AASS: variants seen among roughly 807,000 people sequenced by gnomAD.
AASS encodes the protein alpha-aminoadipic semialdehyde synthase, mitochondrial.
AASS carries 86 observed loss-of-function variants against 105.4 expected under a neutral mutation model. The observed-to-expected ratio is 0.82, with a 90% CI of 0.69 to 0.98. The LOEUF is 0.98. Ranked by LOEUF, AASS falls within the 50% of genes least tolerant of loss-of-function variation. The pLI is 0.00. For missense variants in AASS, 1,048 were observed against 1,143.2 expected (o/e 0.92, Z 1.20); for synonymous variants, 381 against 394.8 (o/e 0.96, Z 0.41).
chr7:122,076,585 T>C lies in AASS; in HGVS notation c.2685A>G (p.Leu895=). 6.2e-7 allele frequency: 1 copy of C among 1,613,214 alleles called. No individual in the cohort carries two copies. Among genetic ancestry groups the C allele is most frequent in the Non-Finnish European group, 8.5e-7 (1 of 1,179,230 alleles). The change falls in exon 24 of 24, where the codon CTA becomes CTG. Residue 895 remains leucine, a synonymous_variant. Coordinates refer to ENST00000417368, the MANE Select transcript of AASS (RefSeq NM_005763.4). ...LLDGEIGAKG[L]MGPFSKEIYG... ...AGATCTCCTTTGAAAAGGGCCCCAT[T>C]AGGCCTTTGGCTCCAATTTCACCTG...
intron 1 of AASS, among the ~76,000 whole-genome samples, chr7:122,142,502 G>A (rs1167000711): frequency 6.6e-6 from 1 of 152,070 alleles, no homozygotes; most frequent in Non-Finnish European, 1.5e-5. Flanking sequence ...AGGCATGCAT[G>A]TTCAAGATAA....
chr7:122,106,503 C>A (rs1342653138), intron 11 of AASS, among the ~76,000 whole-genome samples: 1 of 151,822 alleles, frequency 6.6e-6, no homozygotes, highest in African/African-American at 2.4e-5. Flanking sequence ...TGACTTCAAA[C>A]TATATTACAG....
intron 11 of AASS, among the ~76,000 whole-genome samples, chr7:122,108,018 TC>T (rs1173106668): frequency 7.0e-6 from 1 of 142,874 alleles, no homozygotes; most frequent in Non-Finnish European, 1.5e-5. Context: ...ATACAAAGGA[TC>T]ATAAGAGAGC....
In AASS at chr7:122,086,191, T is replaced by TG. The variant is rs1562906744; in HGVS notation, c.2017-13dup. 6.2e-7 allele frequency: 1 copy of TG among 1,612,774 alleles called. No individual in the cohort carries two copies. Among genetic ancestry groups the TG allele is most frequent in the African/African-American group, 1.3e-5 (1 of 74,938 alleles). On this transcript the variant is annotated splice_polypyrimidine_tract_variant and intron_variant, in intron 18 of 23. Coordinates refer to ENST00000417368, the MANE Select transcript of AASS (RefSeq NM_005763.4). Reference sequence around the variant, plus strand: ...GCAACATTCACAACCTGAGGAACATTGAGAAGGCACACATGGGGTTACAGC... The same window carrying TG: ...GCAACATTCACAACCTGAGGAACATTGGAGAAGGCACACATGGGGTTACAGC...
At chr7:122,122,327 C>A (rs1007459579) in intron 4 of AASS, among the ~76,000 whole-genome samples, 1 of 151,442 alleles carries the variant, frequency 6.6e-6, no homozygotes, top group Non-Finnish European at 1.5e-5. Flanking sequence ...GAAAAAAAAA[C>A]AGAATTTAAG....
chr7:122,109,117 T>A (rs930745852), intron 11 of AASS, among the ~76,000 whole-genome samples: 1 of 151,780 alleles, frequency 6.6e-6, no homozygotes, highest in Non-Finnish European at 1.5e-5. Flanking sequence ...CTAAAAACTG[T>A]AAAACATTGA....
chr7:122,078,000 C>A lies in AASS; in HGVS notation c.2500G>T (p.Asp834Tyr). 1 of 1,614,108 alleles carries A rather than the reference C, an allele frequency of 6.2e-7. No homozygotes were observed. The highest frequency in any genetic ancestry group is 8.5e-7 in the Non-Finnish European group (1 of 1,179,970). ...AAGCTGTCTCTCATCACAATCATAT[C>A]TTTTTCTTCAGGACCTTAAAACAAA... ...MKLSYGPEEKDMIVMRDSFGI... is the reference protein window; with the variant it reads ...MKLSYGPEEKYMIVMRDSFGI... The change falls in exon 23 of 24, where the codon GAT becomes TAT. Residue 834 changes from aspartate to tyrosine, a missense_variant. Coordinates refer to ENST00000417368, the MANE Select transcript of AASS (RefSeq NM_005763.4).
Position 122,137,288 on chromosome 7 carries a change from G to C in AASS, c.-15-3547C>G, listed in dbSNP as rs1237518239. Among the ~76,000 whole-genome samples the C allele has an allele frequency of 1.3e-5, 2 of 152,258 alleles. 1 individual carries two copies. The highest frequency in any genetic ancestry group is 6.8e-3 in the Middle Eastern group (2 of 294). ...TAGGATCTGTTGCTTTTAAGCAGAA[G>C]CAGGATTCCTAGTTTAATGTTTAAC... On this transcript the variant is annotated intron_variant, in intron 1 of 23. Transcript: ENST00000417368.
intron 11 of AASS, among the ~76,000 whole-genome samples, chr7:122,109,974 A>C (rs1327398852): frequency 6.6e-6 from 1 of 152,010 alleles, no homozygotes; most frequent in Non-Finnish European, 1.5e-5. Flanking sequence ...GAGATAATAC[A>C]ATCAAAAATG....
chr7:122,109,175 T>C (rs1181487723), intron 11 of AASS, among the ~76,000 whole-genome samples: 8 of 150,568 alleles, frequency 5.3e-5, no homozygotes, highest in Non-Finnish European at 1.2e-4. Context: ...TATTCCCATG[T>C]TCATGGAATG....
In AASS at chr7:122,116,928, A is replaced by G. The variant is rs1795209611; in HGVS notation, c.717T>C (p.Pro239=). Residue 239 remains proline, a synonymous_variant, in exon 7 of 24, where the codon CCT becomes CCC. Transcript: ENST00000417368. ...ATTCATGGGGCTCCACATATTCACA[A>G]GGTAGCTCATTAAAGATTGCTTGGG... The part of the protein sequence containing the change: ...KGAQAIFNEL[P]CEYVEPHELK... 1 of 1,613,980 alleles carries G rather than the reference A, an allele frequency of 6.2e-7. No homozygotes were observed. Among genetic ancestry groups the G allele is most frequent in the African/African-American group, 1.3e-5 (1 of 75,048 alleles).
In AASS at chr7:122,133,646, G is replaced by A. The variant is rs138449792; in HGVS notation, c.81C>T (p.Ala27=). 54 of 1,614,012 alleles carry A rather than the reference G, an allele frequency of 3.3e-5. 1 individual carries two copies. Among genetic ancestry groups the A allele is most frequent in the South Asian group, 1.6e-4 (15 of 91,084 alleles). Residue 27 remains alanine (A), a synonymous_variant, in exon 2 of 24, where the codon GCC becomes GCT. Transcript: ENST00000417368. ...SKGLHHKAVL[A]VRREDVNAWE... Reference sequence around the variant, plus strand: ...AGGCGTTCACATCCTCCCTCCGGACGGCCAACACAGCTTTGTGGTGAAGAC... The same window carrying A: ...AGGCGTTCACATCCTCCCTCCGGACAGCCAACACAGCTTTGTGGTGAAGAC...
At chr7:122,118,196 A>T in intron 6 of AASS, 111 bp downstream of exon 6, 1 of 1,249,816 alleles carries the variant, frequency 8.0e-7, no homozygotes, top group South Asian at 1.3e-5. Flanking sequence ...AAAAGTGCCT[A>T]AAATAGAATC....
At chr7:122,107,550 A>G (rs550512585) in intron 11 of AASS, among the ~76,000 whole-genome samples, 1 of 152,306 alleles carries the variant, frequency 6.6e-6, no homozygotes, top group African/African-American at 2.4e-5. Flanking sequence ...GTGGTACACC[A>G]TGGAATACTA....
intron 11 of AASS, among the ~76,000 whole-genome samples, chr7:122,112,438 C>T (rs1048604293): frequency 3.3e-5 from 5 of 152,074 alleles, no homozygotes; most frequent in Non-Finnish European, 7.4e-5. Context: ...TTTATTCTTG[C>T]CCCACTAACT....
Position 122,139,207 on chromosome 7 carries a change from C to T in AASS, c.-16+4954G>A, listed in dbSNP as rs150050978. 1.4e-4 allele frequency among the ~76,000 whole-genome samples: 21 copies of T among 152,102 alleles called. 1 individual carries two copies. In the East Asian group the frequency reaches 4.1e-3, roughly 29 times the overall value. On this transcript the variant is annotated intron_variant, in intron 1 of 23. Transcript: ENST00000417368. ...AGTTATCAAAATAAAATCTTTTGTA[C>T]ACGGAATATGGGACAAATGCTTTTG...
chr7:122,116,844 A>G, intron 7 of AASS, 35 bp downstream of exon 7: 5 of 1,612,178 alleles, frequency 3.1e-6, no homozygotes, highest in Non-Finnish European at 4.2e-6. Context: ...TAGACTGTTA[A>G]AAACATTAAA....
chr7:122,118,721 G>A, intron 4 of AASS, 91 bp from the exon 5 acceptor site: 1 of 1,252,390 alleles, frequency 8.0e-7, no homozygotes, highest in South Asian at 1.3e-5. Context: ...ATGGTGCCCT[G>A]CAGAAGCACA....
intron 19 of AASS, among the ~76,000 whole-genome samples, chr7:122,084,751 G>C (rs926651444): frequency 1.3e-5 from 2 of 152,038 alleles, no homozygotes; most frequent in Non-Finnish European, 2.9e-5. Flanking sequence ...GCACAAGATT[G>C]AAGGGTCATC....
Sources: allele counts gnomAD v4.1 joint callset (sites outside exome capture counted in the v4.1 genomes callset), GRCh38; gene constraint gnomAD v4.1.1; transcripts MANE v1.5; gene names NCBI Gene and HGNC (gene_info 2026-07-23, HGNC 2026-07-21).